Variants in FRS2 observed in about 807,000 individuals in gnomAD.
FRS2 encodes fibroblast growth factor receptor substrate 2, also known as FGFR signalling adaptor.
A neutral mutation model predicts 43.9 loss-of-function variants in FRS2; 8 were observed. That is an observed-to-expected ratio of 0.18 (90% confidence interval 0.11 to 0.33). The LOEUF is 0.33. FRS2 is among the 10% of genes least tolerant of loss of function. The pLI, the probability that FRS2 is intolerant of heterozygous loss-of-function variation, is 1.00. For synonymous variants in FRS2, 219 were observed against 220.3 expected, an observed-to-expected ratio of 0.99 and a Z score of 0.05; for missense variants, 534 against 627.6, an observed-to-expected ratio of 0.85 and a Z score of 1.59.
intron 3 of FRS2, among the ~76,000 whole-genome samples, chr12:69,540,039 G>T (rs1877734252): frequency 6.6e-6 from 1 of 151,736 alleles, no homozygotes. Context: ...GGATCATGAT[G>T]TCAGGAGATT....
intron 1 of FRS2, among the ~76,000 whole-genome samples, chr12:69,492,636 T>C (rs1018686471): frequency 6.6e-4 from 100 of 152,204 alleles, no homozygotes; most frequent in Non-Finnish European, 2.4e-4. Flanking sequence ...AAGGATTGTT[T>C]TGGGAGAGAG....
At chr12:69,483,360 C>T (rs1194378294) in intron 1 of FRS2, among the ~76,000 whole-genome samples, 5 of 152,118 alleles carry the variant, frequency 3.3e-5, no homozygotes, top group Admixed American at 6.5e-5. Flanking sequence ...TACAATGCCC[C>T]GTGACCCCCA....
intron 1 of FRS2, among the ~76,000 whole-genome samples, chr12:69,477,504 A>G (rs221078): frequency 0.096 from 14,518 of 150,646 alleles, 911 homozygotes; most frequent in Non-Finnish European, 0.14. Context: ...AGATGGTCTC[A>G]ATCTCCTGAC....
chr12:69,533,633 G>A (rs1301154136), intron 3 of FRS2, among the ~76,000 whole-genome samples: 1 of 152,160 alleles, frequency 6.6e-6, no homozygotes, highest in Non-Finnish European at 1.5e-5. Context: ...ACAGGTGTGA[G>A]CCACCACGCC....
intron 1 of FRS2, among the ~76,000 whole-genome samples, chr12:69,483,480 C>T (rs568916697): frequency 2.0e-5 from 3 of 152,248 alleles, no homozygotes; most frequent in Admixed American, 1.3e-4. Flanking sequence ...AGTGAAATCT[C>T]AGAAAGTTTA....
At chr12:69,565,163 T>C (rs563659723) in intron 4 of FRS2, among the ~76,000 whole-genome samples, 1 of 152,244 alleles carries the variant, frequency 6.6e-6, no homozygotes, top group East Asian at 1.9e-4. Context: ...CTGAATACTA[T>C]AGGCAGTTGT....
At chr12:69,489,339 T>C (rs2120898714) in intron 1 of FRS2, among the ~76,000 whole-genome samples, 1 of 152,242 alleles carries the variant, frequency 6.6e-6, no homozygotes, top group Non-Finnish European at 1.5e-5. Flanking sequence ...TTGCACCAAC[T>C]GTGTAAGAAA....
chr12:69,554,386 T>C (rs974173985), intron 3 of FRS2, among the ~76,000 whole-genome samples: 1 of 152,078 alleles, frequency 6.6e-6, no homozygotes, highest in Non-Finnish European at 1.5e-5. Flanking sequence ...GAGAGAAAAA[T>C]AGGTGTAAAA....
At chr12:69,507,232 C>A (rs1874021772) in intron 1 of FRS2, among the ~76,000 whole-genome samples, 2 of 152,186 alleles carry the variant, frequency 1.3e-5, no homozygotes, top group South Asian at 4.1e-4. Context: ...ATTTCAAACT[C>A]CTTGAGTGCA....
intron 4 of FRS2, among the ~76,000 whole-genome samples, chr12:69,568,335 A>G (rs866268603): frequency 6.6e-6 from 1 of 152,230 alleles, no homozygotes; most frequent in Admixed American, 6.5e-5. Context: ...AGATACTACA[A>G]TGAGTAACAA....
intron 3 of FRS2, among the ~76,000 whole-genome samples, chr12:69,549,963 G>A (rs1234958979): frequency 6.6e-6 from 1 of 152,034 alleles, no homozygotes; most frequent in Non-Finnish European, 1.5e-5. Flanking sequence ...GCTGCTGTAG[G>A]TCTTACTTTT....
In FRS2 at chr12:69,579,461, G is replaced by A. The variant is rs1328357543; in HGVS notation, c.*4506G>A. ...TAGAATAAGCTAGTAATTGAATTTA[G>A]TTCAAGGGCTAAGCAACACATTTTT... On this transcript the variant is annotated 3_prime_UTR_variant, in exon 9 of 9. Coordinates refer to ENST00000549921, the MANE Select transcript of FRS2 (RefSeq NM_001278356.2). 1 of 152,540 alleles carries A rather than the reference G, an allele frequency of 6.6e-6. No individual in the cohort carries two copies. Among genetic ancestry groups the A allele is most frequent in the Non-Finnish European group, 1.5e-5 (1 of 68,022 alleles). 9.4% of individuals were successfully genotyped at this position (152,540 alleles called of 1,614,324 possible).
At chr12:69,531,039 T>C (rs907169570) in intron 2 of FRS2, 79 bp downstream of exon 2, 1 of 151,230 alleles carries the variant, frequency 6.6e-6, no homozygotes, top group African/African-American at 2.4e-5. Flanking sequence ...TTAAAAAATA[T>C]GGTAGACAGG....
At chr12:69,521,035 C>T (rs951606506) in intron 1 of FRS2, among the ~76,000 whole-genome samples, 1 of 152,122 alleles carries the variant, frequency 6.6e-6, no homozygotes, top group East Asian at 1.9e-4. Flanking sequence ...TATCCATGAG[C>T]ATGGAATGTT....
rs1263690822 is a variant in FRS2, at chr12:69,571,261, G to T, written c.254-15G>T. On this transcript the variant is annotated splice_polypyrimidine_tract_variant and intron_variant, in intron 6 of 8. Coordinates refer to ENST00000549921, the MANE Select transcript of FRS2 (RefSeq NM_001278356.2). ...GGTATGTTAACTATTTTTCCCTTTT[G>T]GTTTATATTTGTAGGAATCTTTGCC... 2 of 1,558,088 alleles carry T rather than the reference G, an allele frequency of 1.3e-6. No homozygotes were observed. The highest frequency in any genetic ancestry group is 2.1e-5 in the Admixed American group (1 of 48,696).
At chr12:69,549,043 AATACACTT>A (rs1453963587) in intron 3 of FRS2, among the ~76,000 whole-genome samples, 1 of 152,188 alleles carries the variant, frequency 6.6e-6, no homozygotes, top group African/African-American at 2.4e-5. Context: ...AAAACAAACA[AATACACTT>A]ATGTGCTTCA....
At chr12:69,493,489 G>A (rs1872634629) in intron 1 of FRS2, among the ~76,000 whole-genome samples, 1 of 152,368 alleles carries the variant, frequency 6.6e-6, no homozygotes, top group South Asian at 2.1e-4. Flanking sequence ...GGAAGGCCAA[G>A]GCGGGTGGAT....
At chr12:69,476,762 GTGT>G (rs1565710503) in intron 1 of FRS2, among the ~76,000 whole-genome samples, 3 of 97,926 alleles carry the variant, frequency 3.1e-5, no homozygotes, top group African/African-American at 8.0e-5. Flanking sequence ...ACGGGGGGGG[GTGT>G]GGGGGTGGGG....
At chr12:69,489,067 G>C (rs1287182068) in intron 1 of FRS2, among the ~76,000 whole-genome samples, 1 of 152,176 alleles carries the variant, frequency 6.6e-6, no homozygotes, top group Admixed American at 6.5e-5. Context: ...TGAAAAAACT[G>C]AGGCCTCAGA....
Sources: allele counts gnomAD v4.1 joint callset (sites outside exome capture counted in the v4.1 genomes callset), GRCh38; gene constraint gnomAD v4.1.1; transcripts MANE v1.5; gene names NCBI Gene and HGNC (gene_info 2026-07-23, HGNC 2026-07-21).